The following USP39 variants were observed in gnomAD, a reference collection of about 807,000 sequenced individuals.
The protein encoded by USP39 is ubiquitin carboxyl-terminal hydrolase 39.
A neutral mutation model predicts 66.4 loss-of-function variants in USP39; 38 were observed. The observed-to-expected ratio is 0.57, with a 90% CI of 0.44 to 0.75. USP39 has a LOEUF of 0.75. Among genes scored for constraint, USP39 ranks in the 30% least tolerant of loss-of-function variants. The pLI is 0.00. For synonymous variants in USP39, 303 were observed against 274.6 expected (o/e 1.10, Z -1.02); for missense variants, 608 against 714.4 (o/e 0.85, Z 1.70).
At chr2:85,620,638 AAG>A (rs1355611644) in intron 2 of USP39, among the ~76,000 whole-genome samples, 1 of 152,176 alleles carries the variant, frequency 6.6e-6, no homozygotes, top group Non-Finnish European at 1.5e-5. Context: ...TGAAGGTACA[AAG>A]GGCCAGCTGT....
chr2:85,620,366 C>A (rs1453043263), intron 2 of USP39, among the ~76,000 whole-genome samples: 1 of 151,596 alleles, frequency 6.6e-6, no homozygotes, highest in Admixed American at 6.6e-5. Flanking sequence ...GTAGTCCCAG[C>A]TTCTTGGGGG....
chr2:85,638,830 C>G (rs1676002404), intron 8 of USP39, among the ~76,000 whole-genome samples: 1 of 150,112 alleles, frequency 6.7e-6, no homozygotes, highest in Non-Finnish European at 1.5e-5. Flanking sequence ...AGCCATCATG[C>G]CCGGCCAATT....
At chr2:85,625,518 G>A (rs978300394) in intron 4 of USP39, 21 bp from the exon 5 acceptor site, 2 of 1,612,370 alleles carry the variant, frequency 1.2e-6, no homozygotes, top group South Asian at 1.1e-5. Context: ...AAACAACTTA[G>A]CATTTTCTTT....
At chr2:85,612,106 A>T, upstream of USP39, 1 of 965,188 alleles carries the variant, frequency 1.0e-6, no homozygotes, top group Non-Finnish European at 1.5e-6. Flanking sequence ...CCGGTCTGGG[A>T]GGCCCCGGCC....
rs1342893735 is a variant in USP39, at chr2:85,616,768, C to A, written c.268+305C>A. Among the ~76,000 whole-genome samples, 4 of 151,462 alleles carry A rather than the reference C, an allele frequency of 2.6e-5. No individual in the cohort carries two copies. In the East Asian group the frequency reaches 7.8e-4, roughly 29 times the overall value. On this transcript the variant is annotated intron_variant, in intron 1 of 12. Coordinates refer to ENST00000323701, the MANE Select transcript of USP39 (RefSeq NM_006590.4). ...TCTCGGCTCACTGCAACCTCTGCCT[C>A]CCCGGTTCAAACGATTCTCCTACCT... is the stretch of plus-strand genomic sequence containing the variant.
intron 2 of USP39, 191 bp from the exon 3 acceptor site, chr2:85,621,294 C>T (rs1674440907): frequency 1.8e-6 from 1 of 541,872 alleles, no homozygotes; most frequent in South Asian, 2.3e-5. Context: ...GGTGGAGACA[C>T]CTCAACAGTG....
intron 9 of USP39, among the ~76,000 whole-genome samples, chr2:85,640,124 G>A (rs978312313): frequency 1.3e-5 from 2 of 151,278 alleles, no homozygotes; most frequent in African/African-American, 2.4e-5. Flanking sequence ...CTCCCACCTC[G>A]ACCTCCCAAA....
upstream of USP39, among the ~76,000 whole-genome samples, chr2:85,613,993 C>A (rs1371894701): frequency 6.6e-6 from 1 of 151,816 alleles, no homozygotes; most frequent in Non-Finnish European, 1.5e-5. Flanking sequence ...GTCTTGAACT[C>A]CTGACCTCAA....
chr2:85,637,267 C>T (rs867499132), intron 7 of USP39, 102 bp from the exon 8 acceptor site: 4 of 1,266,868 alleles, frequency 3.2e-6, no homozygotes, highest in African/African-American at 2.9e-5. Flanking sequence ...GTGTCTTTTG[C>T]TGGAAGATGC....
chr2:85,605,821 TCA>T (rs1673192698), intron 1 of USP39, among the ~76,000 whole-genome samples: 1 of 152,188 alleles, frequency 6.6e-6, no homozygotes, highest in African/African-American at 2.4e-5. Context: ...ACAGTGCCCC[TCA>T]GAGTGCACCA....
At chr2:85,608,247 G>A (rs1673289270), upstream of USP39, 1 of 152,212 alleles carries the variant, frequency 6.6e-6, no homozygotes, top group Admixed American at 6.5e-5. Context: ...AGTGGAACAT[G>A]CGAGAAACGA....
chr2:85,623,781 C>T lies in USP39; in HGVS notation c.569C>T (p.Thr190Met), dbSNP rs769633859. The change falls in exon 4 of 13, where the codon ACG (threonine) becomes ATG (methionine). Residue 190 changes from threonine (T) to methionine (M), a missense_variant and splice_region_variant. Coordinates refer to ENST00000323701, the MANE Select transcript of USP39 (RefSeq NM_006590.4). ...EIIDSSLEDI[T>M]YVLKPTFTKQ... is the part of the protein sequence containing the mutation. ...ATCGATTCCTCATTGGAGGATATCA[C>T]GGTGTGTGTCTAAGAGGGTTGGTTT... The T allele has an allele frequency of 1.9e-6, 3 of 1,610,770 alleles. No homozygotes were observed. Among genetic ancestry groups the T allele is most frequent in the Admixed American group, 1.7e-5 (1 of 59,466 alleles).
chr2:85,608,701 C>CAAAAAAAAAAAAAAAAAAA, upstream of USP39: 1 of 55,244 alleles, frequency 1.8e-5, no homozygotes, highest in Non-Finnish European at 3.2e-5. Flanking sequence ...ACAAAATCCT[C>CAAAAAAAAAAAAAAAAAAA]AAAAAAAAAA....
chr2:85,644,711 C>G (rs1212659840), intron 10 of USP39, among the ~76,000 whole-genome samples: 3 of 152,008 alleles, frequency 2.0e-5, no homozygotes, highest in Non-Finnish European at 4.4e-5. Flanking sequence ...GTATGAGCCA[C>G]TGCCTGTCAT....
intron 5 of USP39, 33 bp downstream of exon 5, chr2:85,625,724 A>G: frequency 1.2e-6 from 2 of 1,603,500 alleles, no homozygotes; most frequent in Non-Finnish European, 1.7e-6. Context: ...GAGGAAGAGA[A>G]GGACACCCAG....
intron 4 of USP39, 62 bp from the exon 5 acceptor site, chr2:85,625,477 G>A: frequency 1.9e-6 from 3 of 1,600,202 alleles, no homozygotes; most frequent in East Asian, 2.3e-5. Flanking sequence ...AGAAATTACT[G>A]TTACAGACAT....
At chr2:85,626,710 G>C (rs555908207) in intron 5 of USP39, among the ~76,000 whole-genome samples, 46 of 151,730 alleles carry the variant, frequency 3.0e-4, no homozygotes, top group Admixed American at 2.8e-3. Context: ...AACCAAAGCT[G>C]TCCTATTTTC....
chr2:85,636,304 C>T (rs1385643758), intron 7 of USP39, among the ~76,000 whole-genome samples, 174 bp downstream of exon 7: 1 of 152,036 alleles, frequency 6.6e-6, no homozygotes, highest in East Asian at 1.9e-4. Context: ...CCCATCTCTA[C>T]CAAAAATACA....
chr2:85,609,039 T>A, upstream of USP39: 1 of 1,614,226 alleles, frequency 6.2e-7, no homozygotes, highest in Non-Finnish European at 8.5e-7. Context: ...TGCCGACACC[T>A]TCTCACTCAC....
Sources: gnomAD v4.1 joint callset for allele counts (sites outside exome capture counted in the v4.1 genomes callset) on GRCh38, gnomAD v4.1.1 for gene constraint, MANE v1.5 for transcripts, NCBI Gene and HGNC (gene_info 2026-07-23, HGNC 2026-07-21) for gene names.